The following STOX1 variants were observed in gnomAD, a reference collection of about 807,000 sequenced individuals.
STOX1 encodes storkhead box 1, also known as storkhead-box protein 1.
In STOX1, 57 loss-of-function variants were observed where a neutral mutation model predicts 74.8. That is an observed-to-expected ratio of 0.76 (90% CI 0.62 to 0.95). The LOEUF is 0.95. Among genes scored for constraint, STOX1 ranks in the 40% least tolerant of loss-of-function variants. STOX1 has a pLI of 0.00. For missense variants in STOX1, 1,010 were observed against 1,117.0 expected, an observed-to-expected ratio of 0.90 and a Z score of 1.37; for synonymous variants, 375 against 401.3, an observed-to-expected ratio of 0.93 and a Z score of 0.78.
At chr10:68,855,102 A>AGC (rs1463403863) in intron 1 of STOX1, among the ~76,000 whole-genome samples, 11 of 145,228 alleles carry the variant, frequency 7.6e-5, no homozygotes, top group Non-Finnish European at 1.2e-4. Flanking sequence ...TGGGTGACAG[A>AGC]AAGACTGTTT....
At chr10:68,877,632 G>C (rs1589233975) in intron 1 of STOX1, among the ~76,000 whole-genome samples, 1 of 152,318 alleles carries the variant, frequency 6.6e-6, no homozygotes, top group Non-Finnish European at 1.5e-5. Context: ...AAGGCATAGT[G>C]GAGACAGCCC....
intron 1 of STOX1, among the ~76,000 whole-genome samples, chr10:68,862,889 T>C (rs1182502141): frequency 6.6e-6 from 1 of 152,070 alleles, no homozygotes; most frequent in Non-Finnish European, 1.5e-5. Flanking sequence ...CCAATCTTGT[T>C]TACAAATAGG....
chr10:68,882,792 C>T (rs1464187680), intron 2 of STOX1, among the ~76,000 whole-genome samples: 5 of 152,188 alleles, frequency 3.3e-5, no homozygotes, highest in South Asian at 2.1e-4. Context: ...CCACCATGCC[C>T]GGCATAAATT....
chr10:68,829,868 G>A (rs118097805), intron 1 of STOX1, among the ~76,000 whole-genome samples: 1,700 of 152,290 alleles, frequency 0.011, 16 homozygotes, highest in Middle Eastern at 0.031. Flanking sequence ...CCTCACGAGC[G>A]AAGAGGTCTT....
intron 3 of STOX1, among the ~76,000 whole-genome samples, chr10:68,890,441 G>A (rs535577905): frequency 2.0e-5 from 3 of 152,136 alleles, no homozygotes; most frequent in East Asian, 1.9e-4. Context: ...AGGGTTGTAG[G>A]CATGAGCCAC....
chr10:68,862,068 C>T (rs1564578838), intron 1 of STOX1, among the ~76,000 whole-genome samples: 1 of 151,824 alleles, frequency 6.6e-6, no homozygotes, highest in Non-Finnish European at 1.5e-5. Context: ...TTGAGAGTTC[C>T]ACAGCATAGT....
chr10:68,835,200 C>T (rs965039171), intron 1 of STOX1, among the ~76,000 whole-genome samples: 3 of 149,926 alleles, frequency 2.0e-5, no homozygotes, highest in African/African-American at 7.5e-5. Context: ...TGCCACCATG[C>T]GCGGCTAATT....
rs1241310133 is a variant in STOX1 at position 68,885,881 on chromosome 10, G to C, written c.2085G>C (p.Leu695Phe). The C allele has an allele frequency of 6.2e-7, 1 of 1,614,126 alleles. No homozygotes were observed. The highest frequency in any genetic ancestry group is 2.2e-5 in the East Asian group (1 of 44,882). Residue 695 changes from leucine (L) to phenylalanine (F), a missense_variant, in exon 3 of 4, where the codon TTG becomes TTC. Leu to Phe is a conservative substitution (Grantham distance 22, BLOSUM62 0). Coordinates refer to ENST00000298596, the MANE Select transcript of STOX1 (RefSeq NM_152709.5). ...AAGACAAAGACTCAGAAGAATTATT[G>C]AGAAAAGGATTTGTCCAGGATGCAG... ...ARQDKDSEEL[L>F]RKGFVQDAET... is the part of the protein sequence containing the mutation.
At chr10:68,886,925 A>G (rs1207088881) in intron 3 of STOX1, among the ~76,000 whole-genome samples, 1 of 152,106 alleles carries the variant, frequency 6.6e-6, no homozygotes, top group Non-Finnish European at 1.5e-5. Flanking sequence ...CCTCAAAAAA[A>G]AAAAGAAAAA....
chr10:68,861,428 C>G (rs1460304336), intron 1 of STOX1, among the ~76,000 whole-genome samples: 3 of 152,128 alleles, frequency 2.0e-5, no homozygotes, highest in East Asian at 1.9e-4. Flanking sequence ...CTGGGTGGGC[C>G]AGGTGTTCCT....
rs1839288737 is a variant in STOX1 at position 68,827,576 on chromosome 10, G to A, written c.-48G>A. 8 of 1,100,558 alleles carry A rather than the reference G, an allele frequency of 7.3e-6. No homozygotes were observed. Among genetic ancestry groups the A allele is most frequent in the East Asian group, 5.1e-5 (1 of 19,524 alleles). The allele number at this position is 1,100,558 out of a possible 1,614,324, so 68.2% of individuals were successfully genotyped here. A position where few individuals can be genotyped will look rare whatever the true frequency, so the allele number is the denominator to read the frequency against. ...CCGAGCGAGCGGCGTCGTAGCCGCC[G>A]CGCTCGCCGAGGCCCTGCGTTGCGG... is the stretch of plus-strand genomic sequence containing the variant. On this transcript the variant is annotated 5_prime_UTR_variant, in exon 1 of 4. Transcript: ENST00000298596.
intron 1 of STOX1, among the ~76,000 whole-genome samples, chr10:68,853,918 C>T (rs1469648910): frequency 6.6e-6 from 1 of 151,902 alleles, no homozygotes; most frequent in Non-Finnish European, 1.5e-5. Context: ...CTCCCGACCT[C>T]AGGTGATATG....
chr10:68,887,316 C>T (rs560263404), intron 3 of STOX1, among the ~76,000 whole-genome samples: 89 of 152,236 alleles, frequency 5.8e-4, no homozygotes, highest in Admixed American at 1.4e-3. Context: ...GAGTTTTGTT[C>T]TTGTCACCCA....
intron 1 of STOX1, among the ~76,000 whole-genome samples, chr10:68,839,137 T>C (rs1304193713): frequency 6.6e-6 from 1 of 152,216 alleles, no homozygotes; most frequent in Non-Finnish European, 1.5e-5. Context: ...ATGCAATCCC[T>C]ATCAAAATCC....
intron 1 of STOX1, among the ~76,000 whole-genome samples, chr10:68,876,581 T>A (rs976704330): frequency 2.6e-5 from 4 of 152,184 alleles, no homozygotes; most frequent in Non-Finnish European, 5.9e-5. Flanking sequence ...TGGTTCTACT[T>A]TGTTGTTATT....
chr10:68,883,852 C>T (rs190478076), intron 2 of STOX1, among the ~76,000 whole-genome samples: 41 of 142,564 alleles, frequency 2.9e-4, no homozygotes, highest in African/African-American at 8.4e-4. Context: ...CAGCCTTGAA[C>T]TCCTGAGCTC....
intron 1 of STOX1, among the ~76,000 whole-genome samples, chr10:68,877,009 G>T (rs1840697715): frequency 6.6e-6 from 1 of 152,162 alleles, no homozygotes; most frequent in African/African-American, 2.4e-5. Flanking sequence ...TCCCGTGTCA[G>T]GGTGCACTCA....
chr10:68,842,506 G>C (rs985249937), intron 1 of STOX1, among the ~76,000 whole-genome samples: 3 of 150,852 alleles, frequency 2.0e-5, no homozygotes, highest in African/African-American at 4.9e-5. Context: ...TTGTTGATGC[G>C]AGGTGCCTCT....
At chr10:68,833,860 C>T (rs1027826924) in intron 1 of STOX1, among the ~76,000 whole-genome samples, 2 of 152,166 alleles carry the variant, frequency 1.3e-5, no homozygotes, top group African/African-American at 4.8e-5. Context: ...GCACCCGGCC[C>T]GCTTCTGTGT....
Sources: allele counts gnomAD v4.1 joint callset (sites outside exome capture counted in the v4.1 genomes callset), GRCh38; gene constraint gnomAD v4.1.1; transcripts MANE v1.5; gene names NCBI Gene and HGNC (gene_info 2026-07-23, HGNC 2026-07-21).